Variants in PREP observed in about 807,000 individuals in gnomAD.
The protein encoded by PREP is prolyl endopeptidase, also known as dJ355L5.1 (prolyl endopeptidase).
PREP carries 29 observed loss-of-function variants against 87.6 expected under a neutral mutation model. That is an observed-to-expected ratio of 0.33 (90% CI 0.25 to 0.45). The LOEUF is 0.45. Among genes scored for constraint, PREP ranks in the 20% least tolerant of loss-of-function variants. The probability of loss-of-function intolerance (pLI) is 1.00; values close to 1 mark genes in which losing one functional copy is unlikely to be tolerated. For synonymous variants in PREP, 337 were observed against 328.6 expected (o/e 1.03, Z -0.28); for missense variants, 695 against 886.5 (o/e 0.78, Z 2.74).
At chr6:105,373,858 T>C (rs1772620778) in intron 4 of PREP, among the ~76,000 whole-genome samples, 1 of 152,248 alleles carries the variant, frequency 6.6e-6, no homozygotes, top group African/African-American at 2.4e-5. Flanking sequence ...TTTGAAATTT[T>C]TATAATGCAA....
At chr6:105,321,319 T>A (rs1271169837) in intron 10 of PREP, among the ~76,000 whole-genome samples, 1 of 152,184 alleles carries the variant, frequency 6.6e-6, no homozygotes. Flanking sequence ...GCAGTACAAA[T>A]AAAAAACTGT....
chr6:105,366,029 C>G (rs1772373396), intron 6 of PREP, among the ~76,000 whole-genome samples: 1 of 151,976 alleles, frequency 6.6e-6, no homozygotes, highest in African/African-American at 2.4e-5. Flanking sequence ...CTGAGGCCGG[C>G]GGATGACCTG....
rs971279677 is a variant in PREP, at chr6:105,398,338, C to T, written c.46-411G>A. On this transcript the variant is annotated intron_variant, in intron 1 of 14. Coordinates refer to ENST00000652536, the MANE Select transcript of PREP (RefSeq NM_002726.5). ...GGGCTAACACACACGTGCTCATTCT[C>T]CTGTTCCGCTGAGCTTCCCAATGAT... 2.0e-4 allele frequency among the ~76,000 whole-genome samples: 30 copies of T among 152,186 alleles called. 2 individuals carry two copies. Among genetic ancestry groups the T allele is most frequent in the Non-Finnish European group, 5.9e-5 (4 of 68,026 alleles).
chr6:105,347,230 C>T (rs1224467052), intron 7 of PREP, among the ~76,000 whole-genome samples: 1 of 152,142 alleles, frequency 6.6e-6, no homozygotes, highest in African/African-American at 2.4e-5. Context: ...TGCGCTGGGC[C>T]ACAGCCCGTC....
intron 1 of PREP, among the ~76,000 whole-genome samples, chr6:105,402,038 G>A (rs192649930): frequency 1.7e-4 from 26 of 152,306 alleles, no homozygotes; most frequent in Non-Finnish European, 3.4e-4. Context: ...TGTCTGCCCA[G>A]AATTCCGCCT....
chr6:105,278,800 G>GTGGT lies in PREP; in HGVS notation c.1839-366_1839-363dup, dbSNP rs1343432583. Among the ~76,000 whole-genome samples, 1 of 152,066 alleles carries GTGGT rather than the reference G, an allele frequency of 6.6e-6. No individual in the cohort carries two copies. Among genetic ancestry groups the GTGGT allele is most frequent in the Non-Finnish European group, 1.5e-5 (1 of 68,022 alleles). On this transcript the variant is annotated intron_variant, in intron 14 of 14. Transcript: ENST00000652536. The surrounding 1 kb of genome is among the most constrained non-coding windows in gnomAD (Gnocchi z 4.2). ...ATAATTGTCATTATAACCACACTCA[G>GTGGT]TGGTTCAAAAAAAGTCCAAGCCTTT...
In PREP at chr6:105,328,281, T is replaced by C. The variant is rs193112311; in HGVS notation, c.1213+548A>G. On this transcript the variant is annotated intron_variant, in intron 9 of 14. Transcript: ENST00000652536. The stretch of plus-strand genomic sequence containing the variant: ...GTACTAATTTTTTTTTTTTTTGAGA[T>C]GGAGTCTCACTCTGTTGACAGGCTG... Among the ~76,000 whole-genome samples, 274 of 151,938 alleles carry C rather than the reference T, an allele frequency of 1.8e-3. 1 individual carries two copies. Among genetic ancestry groups the C allele is most frequent in the South Asian group, 4.0e-3 (19 of 4,788 alleles).
chr6:105,330,600 T>C (rs1404584291), intron 8 of PREP, among the ~76,000 whole-genome samples: 3 of 151,462 alleles, frequency 2.0e-5, no homozygotes, highest in African/African-American at 7.3e-5. Context: ...CCGCAGCAAG[T>C]GGAAGTGAGG....
intron 10 of PREP, among the ~76,000 whole-genome samples, chr6:105,319,779 C>A (rs1770957939): frequency 6.6e-6 from 1 of 152,178 alleles, no homozygotes; most frequent in Non-Finnish European, 1.5e-5. Flanking sequence ...TTTACCCAAG[C>A]CAGGATGGCC....
At chr6:105,380,546 T>G (rs1265114297) in intron 2 of PREP, among the ~76,000 whole-genome samples, 11 of 152,158 alleles carry the variant, frequency 7.2e-5, no homozygotes, top group Admixed American at 7.2e-4. Context: ...GTGGTTCGGG[T>G]GAGAGACAAG....
intron 10 of PREP, among the ~76,000 whole-genome samples, chr6:105,304,472 T>G (rs1770612164): frequency 1.3e-5 from 2 of 152,142 alleles, no homozygotes; most frequent in African/African-American, 4.8e-5. Context: ...AACCCAAGCT[T>G]TCTGGCTCCA....
chr6:105,377,883 G>T (rs1772728914), intron 2 of PREP, among the ~76,000 whole-genome samples: 1 of 152,172 alleles, frequency 6.6e-6, no homozygotes, highest in African/African-American at 2.4e-5. Context: ...ACATCATACA[G>T]CTAGGAAGTG....
intron 10 of PREP, among the ~76,000 whole-genome samples, chr6:105,290,425 CT>C (rs1770277594): frequency 6.6e-6 from 1 of 152,004 alleles, no homozygotes; most frequent in Admixed American, 6.5e-5. Context: ...GAAAAATCAT[CT>C]GTTCAAAAAA....
intron 2 of PREP, among the ~76,000 whole-genome samples, chr6:105,378,256 C>T (rs1187674819): frequency 6.6e-6 from 1 of 152,144 alleles, no homozygotes; most frequent in Non-Finnish European, 1.5e-5. Flanking sequence ...GCCAGAAGAT[C>T]GAGACCACCC....
chr6:105,367,650 C>T (rs1772422624), intron 6 of PREP, among the ~76,000 whole-genome samples: 2 of 137,700 alleles, frequency 1.5e-5, no homozygotes, highest in Admixed American at 7.8e-5. Context: ...CCAGCCTGGG[C>T]GACAGAGCGA....
chr6:105,360,838 G>A (rs1772227020), intron 6 of PREP, among the ~76,000 whole-genome samples: 1 of 152,182 alleles, frequency 6.6e-6, no homozygotes, highest in East Asian at 1.9e-4. Flanking sequence ...TCACCTAGGT[G>A]TGATGTGATT....
intron 4 of PREP, 131 bp downstream of exon 4, chr6:105,375,994 T>G (rs1583094182): frequency 9.3e-7 from 1 of 1,072,880 alleles, no homozygotes; most frequent in South Asian, 2.4e-5. Flanking sequence ...TTTCCTGATA[T>G]TGTATGTGCA....
At chr6:105,396,638 G>C (rs568640155) in intron 2 of PREP, among the ~76,000 whole-genome samples, 10 of 151,954 alleles carry the variant, frequency 6.6e-5, no homozygotes, top group Non-Finnish European at 1.3e-4. Context: ...GCGGAGTTAA[G>C]ACACAGGCGT....
intron 6 of PREP, among the ~76,000 whole-genome samples, chr6:105,360,383 T>C (rs1447734176): frequency 6.6e-6 from 1 of 152,212 alleles, no homozygotes; most frequent in African/African-American, 2.4e-5. Flanking sequence ...TATGCTAGCC[T>C]GAGGAAACCT....
Sources: gnomAD v4.1 joint callset for allele counts (sites outside exome capture counted in the v4.1 genomes callset) on GRCh38, gnomAD v4.1.1 for gene constraint, Gnocchi (gnomAD v3.1) non-coding constraint, MANE v1.5 for transcripts, NCBI Gene and HGNC (gene_info 2026-07-23, HGNC 2026-07-21) for gene names.